DLG2: variants seen among roughly 807,000 people sequenced by gnomAD.
The protein encoded by DLG2 is disks large homolog 2.
DLG2 carries 45 observed loss-of-function variants against 132.5 expected under a neutral mutation model. The ratio of observed to expected loss-of-function variants is 0.34; its 90% CI spans 0.27 to 0.44. The LOEUF is 0.44. Among genes scored for constraint, DLG2 ranks in the 20% least tolerant of loss-of-function variants. The pLI is 1.00. For synonymous variants in DLG2, 424 were observed against 419.6 expected, an observed-to-expected ratio of 1.01 and a Z score of -0.13; for missense variants, 1,045 against 1,196.9, an observed-to-expected ratio of 0.87 and a Z score of 1.87.
chr11:85,535,150 G>C (rs1225445235), intron 3 of DLG2, among the ~76,000 whole-genome samples: 1 of 152,102 alleles, frequency 6.6e-6, no homozygotes, highest in Non-Finnish European at 1.5e-5. Flanking sequence ...AAGTATGATA[G>C]GAAGAGGAAA....
chr11:83,979,778 G>A (rs2092618226), intron 12 of DLG2, among the ~76,000 whole-genome samples: 2 of 152,122 alleles, frequency 1.3e-5, no homozygotes, highest in African/African-American at 2.4e-5. Flanking sequence ...ACAAAGGACT[G>A]TGGAAATACG....
At chr11:84,664,646 G>C (rs1012333207) in intron 6 of DLG2, among the ~76,000 whole-genome samples, 2 of 152,080 alleles carry the variant, frequency 1.3e-5, no homozygotes, top group Non-Finnish European at 2.9e-5. Flanking sequence ...AGGACAGATG[G>C]GAAGTAGGGC....
At chr11:85,256,794 T>G (rs1350134558) in intron 4 of DLG2, among the ~76,000 whole-genome samples, 4 of 152,130 alleles carry the variant, frequency 2.6e-5, no homozygotes, top group Admixed American at 2.6e-4. Flanking sequence ...TAAAAAAAAG[T>G]CTTTACAAAA....
At chr11:84,389,586 C>A (rs2154439764) in intron 7 of DLG2, among the ~76,000 whole-genome samples, 1 of 152,186 alleles carries the variant, frequency 6.6e-6, no homozygotes, top group Admixed American at 6.6e-5. Context: ...TGAAGCATGA[C>A]AATATCTTGT....
chr11:83,746,287 T>C (rs979901764), intron 18 of DLG2, among the ~76,000 whole-genome samples: 4 of 152,206 alleles, frequency 2.6e-5, no homozygotes, highest in Admixed American at 1.3e-4. Flanking sequence ...CGTATGTTTA[T>C]TGCGGCACTA....
At chr11:84,974,130 C>CACCA (rs1235091050) in intron 6 of DLG2, among the ~76,000 whole-genome samples, 1 of 152,162 alleles carries the variant, frequency 6.6e-6, no homozygotes, top group African/African-American at 2.4e-5. Context: ...TGGTCCAAGG[C>CACCA]AGGACTTGAC....
intron 6 of DLG2, among the ~76,000 whole-genome samples, chr11:84,672,706 C>T (rs1200044310): frequency 6.6e-6 from 1 of 152,116 alleles, no homozygotes; most frequent in African/African-American, 2.4e-5. Context: ...TTCCCTGTTA[C>T]CAGGAATACA....
At chr11:84,460,527 G>T (rs2099077624) in intron 7 of DLG2, among the ~76,000 whole-genome samples, 1 of 150,286 alleles carries the variant, frequency 6.7e-6, no homozygotes, top group Non-Finnish European at 1.5e-5. Flanking sequence ...TTTCTTGGTG[G>T]TGCCCTGTTC....
At chr11:84,805,973 T>TTTCAATA in intron 6 of DLG2, among the ~76,000 whole-genome samples, 1 of 152,112 alleles carries the variant, frequency 6.6e-6, no homozygotes, top group South Asian at 2.1e-4. Context: ...AGAAAGAAAG[T>TTTCAATA]TTCAATAAAA....
chr11:83,979,042 C>A (rs1398415075), intron 12 of DLG2, among the ~76,000 whole-genome samples: 1 of 152,024 alleles, frequency 6.6e-6, no homozygotes, highest in East Asian at 1.9e-4. Context: ...AAATATGTTA[C>A]ATTACAAAAA....
At chr11:84,934,971 AT>A (rs1366735487) in intron 6 of DLG2, among the ~76,000 whole-genome samples, 1 of 152,074 alleles carries the variant, frequency 6.6e-6, no homozygotes, top group Non-Finnish European at 1.5e-5. Context: ...CGAATTCATT[AT>A]TGCCAAAACT....
At chr11:84,018,409 C>T (rs977572660) in intron 11 of DLG2, among the ~76,000 whole-genome samples, 4 of 151,886 alleles carry the variant, frequency 2.6e-5, no homozygotes, top group Admixed American at 1.3e-4. Flanking sequence ...CTTACAATGC[C>T]TTTCTTATAT....
At chr11:85,272,704 C>T (rs529772362) in intron 4 of DLG2, among the ~76,000 whole-genome samples, 1 of 152,072 alleles carries the variant, frequency 6.6e-6, no homozygotes, top group African/African-American at 2.4e-5. Flanking sequence ...AGATTCAATG[C>T]CATCCCCATC....
chr11:85,522,277 C>T (rs1441855326), intron 3 of DLG2, among the ~76,000 whole-genome samples: 2 of 152,166 alleles, frequency 1.3e-5, no homozygotes, highest in East Asian at 3.9e-4. Flanking sequence ...TGTGGGTGCA[C>T]AGAAGACAAG....
chr11:84,472,007 C>T (rs530226176), intron 7 of DLG2, among the ~76,000 whole-genome samples: 1 of 151,952 alleles, frequency 6.6e-6, no homozygotes, highest in South Asian at 2.1e-4. Flanking sequence ...TCACAACTGT[C>T]ATGAAAATGA....
intron 3 of DLG2, among the ~76,000 whole-genome samples, chr11:85,363,345 A>C (rs2084300025): frequency 6.6e-6 from 1 of 152,252 alleles, no homozygotes; most frequent in African/African-American, 2.4e-5. Flanking sequence ...AACAGCTAGA[A>C]TAATGAAGGG....
chr11:85,274,481 A>G (rs1440297891), intron 4 of DLG2, among the ~76,000 whole-genome samples: 4 of 152,230 alleles, frequency 2.6e-5, no homozygotes, highest in Non-Finnish European at 5.9e-5. Context: ...ATAACTAGGT[A>G]CTATAGCATA....
At chr11:83,792,924 A>C (rs1441517506) in intron 17 of DLG2, among the ~76,000 whole-genome samples, 1 of 152,154 alleles carries the variant, frequency 6.6e-6, no homozygotes, top group African/African-American at 2.4e-5. Flanking sequence ...ACGATTTTCA[A>C]CTTCCTCACA....
At chr11:84,528,395 T>C (rs2099327715) in intron 7 of DLG2, among the ~76,000 whole-genome samples, 1 of 152,162 alleles carries the variant, frequency 6.6e-6, no homozygotes, top group Admixed American at 6.5e-5. Context: ...AGGCAGCTGG[T>C]GTGCACCAAA....
Sources: gnomAD v4.1 joint callset for allele counts (sites outside exome capture counted in the v4.1 genomes callset) on GRCh38, gnomAD v4.1.1 for gene constraint, MANE v1.5 for transcripts, NCBI Gene and HGNC (gene_info 2026-07-23, HGNC 2026-07-21) for gene names.